VANGL1: variants seen among roughly 807,000 people sequenced by gnomAD.
VANGL1 encodes the protein VANGL planar cell polarity protein 1.
VANGL1 carries 18 observed loss-of-function variants against 48.4 expected under a neutral mutation model. The observed-to-expected ratio is 0.37, with a 90% CI of 0.26 to 0.55. VANGL1 has a LOEUF of 0.55. Ranked by LOEUF, VANGL1 falls within the 20% of genes least tolerant of loss-of-function variation. The pLI is 0.81. For synonymous variants in VANGL1, 257 were observed against 261.8 expected (o/e 0.98, Z 0.18); for missense variants, 667 against 675.8 (o/e 0.99, Z 0.14).
intron 4 of VANGL1, among the ~76,000 whole-genome samples, chr1:115,677,296 T>C (rs1653204478): frequency 2.0e-5 from 3 of 152,252 alleles, no homozygotes; most frequent in Non-Finnish European, 4.4e-5. Context: ...ATGGCAGTCA[T>C]GTAACAGTTG....
At chr1:115,643,520 A>G (rs972663163) in intron 1 of VANGL1, among the ~76,000 whole-genome samples, 7 of 152,214 alleles carry the variant, frequency 4.6e-5, no homozygotes, top group Non-Finnish European at 8.8e-5. Flanking sequence ...CCTATCCATG[A>G]GCATTAAACA....
intron 6 of VANGL1, 37 bp from the exon 7 acceptor site, chr1:115,685,256 C>T: frequency 6.2e-7 from 1 of 1,608,714 alleles, no homozygotes; most frequent in Non-Finnish European, 8.5e-7. Flanking sequence ...CTGTGGCAGG[C>T]ACCATCCTGA....
intron 2 of VANGL1, among the ~76,000 whole-genome samples, chr1:115,654,498 T>TAA (rs869142756): frequency 0.063 from 5,733 of 90,698 alleles, 213 homozygotes; most frequent in Middle Eastern, 0.12. Context: ...TTGGTAGGGC[T>TAA]AAAAAAAAAA....
rs1653956530 is a variant in VANGL1 at position 115,694,353 on chromosome 1, TAAG to T, written c.*2976_*2978del. 1 of 152,196 alleles carries T rather than the reference TAAG, an allele frequency of 6.6e-6. No homozygotes were observed. Among genetic ancestry groups the T allele is most frequent in the Non-Finnish European group, 1.5e-5 (1 of 68,048 alleles). 9.4% of individuals were successfully genotyped at this position (152,196 alleles called of 1,614,324 possible). The stretch of plus-strand genomic sequence containing the variant: ...AAGACAAGTTCTTTACAGCAAATGG[TAAG>T]AGGCAGGTGACCTGGTGTGTTTGCT... On this transcript the variant is annotated 3_prime_UTR_variant, in exon 8 of 8. Transcript: ENST00000355485.
At position 115,663,889 on chromosome 1, in the gene VANGL1, T is replaced by C; in HGVS notation, c.433T>C (p.Cys145Arg). 6.2e-7 allele frequency: 1 copy of C among 1,614,210 alleles called. No homozygotes were observed. The highest frequency in any genetic ancestry group is 8.5e-7 in the Non-Finnish European group (1 of 1,180,044). ...CCTGTGGAGGGATGAGCTGGAGCCT[T>C]GTGGCACAATTTGTGAGGGGCTCTT... is the stretch of plus-strand genomic sequence containing the variant. ...PILWRDELEP[C>R]GTICEGLFIS... The change falls in exon 4 of 8, where the codon TGT becomes CGT. Residue 145 changes from cysteine to arginine, a missense_variant. Coordinates refer to ENST00000355485, the MANE Select transcript of VANGL1 (RefSeq NM_138959.3).
Position 115,698,109 on chromosome 1 carries a change from G to A in VANGL1, c.*6730G>A, listed in dbSNP as rs531472535. On this transcript the variant is annotated 3_prime_UTR_variant, in exon 8 of 8. Transcript: ENST00000355485. ...GTGTACCTGTCACCCAAGTTATTTT[G>A]TTCCTTTTTGGGTCCTCCAGTATAA... The A allele has an allele frequency of 1.3e-5, 2 of 151,578 alleles. No homozygotes were observed. Among genetic ancestry groups the A allele is most frequent in the African/African-American group, 2.4e-5 (1 of 41,148 alleles). The allele number at this position is 151,578 out of a possible 1,614,324, so 9.4% of individuals were successfully genotyped here.
chr1:115,663,979 C>T lies in VANGL1; in HGVS notation c.523C>T (p.Arg175Trp), dbSNP rs142594314. The change falls in exon 4 of 8, where the codon CGG (arginine) becomes TGG (tryptophan). Residue 175 changes from arginine to tryptophan, a missense_variant. By Grantham distance (101) the Arg-to-Trp change is moderately radical (BLOSUM62 -3). Coordinates refer to ENST00000355485, the MANE Select transcript of VANGL1 (RefSeq NM_138959.3). ...GACCTGGGCACTTTTTTTCCGCAAG[C>T]GGAGAGCTGACATGCCACGGGTGTT... ...IGTWALFFRK[R>W]RADMPRVFVF... 1,024 of 1,614,184 alleles carry T rather than the reference C, an allele frequency of 6.3e-4. 3 individuals carry two copies. The highest frequency in any genetic ancestry group is 3.2e-3 in the African/African-American group (239 of 75,048).
At chr1:115,642,798 G>T (rs1185555978) in intron 1 of VANGL1, 1 of 152,258 alleles carries the variant, frequency 6.6e-6, no homozygotes, top group Non-Finnish European at 1.5e-5. Context: ...ATCTCACCGC[G>T]CCGGGGCAGC....
At chr1:115,667,712 C>T (rs182381139) in intron 4 of VANGL1, among the ~76,000 whole-genome samples, 59 of 152,204 alleles carry the variant, frequency 3.9e-4, no homozygotes, top group African/African-American at 1.4e-3. Context: ...CTTTTCTTGG[C>T]CCCGTTCTCA....
At chr1:115,649,310 A>G (rs1343031084) in intron 1 of VANGL1, among the ~76,000 whole-genome samples, 3 of 152,156 alleles carry the variant, frequency 2.0e-5, no homozygotes, top group African/African-American at 7.2e-5. Flanking sequence ...AACCCCCACC[A>G]TAATAGGCTG....
chr1:115,672,045 T>C (rs1441588891), intron 4 of VANGL1, among the ~76,000 whole-genome samples: 1 of 152,212 alleles, frequency 6.6e-6, no homozygotes, highest in Non-Finnish European at 1.5e-5. Context: ...CATGAGCTAT[T>C]AGCTACTTCT....
In VANGL1 at chr1:115,695,897, CT is replaced by C. The variant is rs1425829174; in HGVS notation, c.*4520del. The C allele has an allele frequency of 6.6e-6, 1 of 152,242 alleles. No individual in the cohort carries two copies. Among genetic ancestry groups the C allele is most frequent in the African/African-American group, 2.4e-5 (1 of 41,464 alleles). 9.4% of individuals were successfully genotyped at this position (152,242 alleles called of 1,614,324 possible). The stretch of plus-strand genomic sequence containing the variant: ...TTGAGGAAGGACCTAGAGACACATC[CT>C]TGAACTAGAACCTGGGGTGAGAGTT... On this transcript the variant is annotated 3_prime_UTR_variant, in exon 8 of 8. Transcript: ENST00000355485.
rs4631691 is a variant in VANGL1, at chr1:115,684,241, T to C, written c.1079+165T>C. Among the ~76,000 whole-genome samples the C allele has an allele frequency of 0.69, 104,887 of 151,802 alleles. 36,418 individuals are homozygous for C. The highest frequency in any genetic ancestry group is 0.75 in the South Asian group (3,618 of 4,812). ...GTCACCTCTGCCTCCCAGGTTCCAGTGATTCTCATGCCTCAGCCTCCCAAA... is the reference window on the plus strand; with the variant it reads ...GTCACCTCTGCCTCCCAGGTTCCAGCGATTCTCATGCCTCAGCCTCCCAAA... On this transcript the variant is annotated intron_variant, in intron 6 of 7. Coordinates refer to ENST00000355485, the MANE Select transcript of VANGL1 (RefSeq NM_138959.3).
Position 115,684,062 on chromosome 1 carries a change from G to A in VANGL1, c.1065G>A (p.Lys355=), listed in dbSNP as rs776038790. 1.7e-5 allele frequency: 28 copies of A among 1,613,700 alleles called. No homozygotes were observed. Among genetic ancestry groups the A allele is most frequent in the Admixed American group, 5.0e-5 (3 of 59,990 alleles). The change falls in exon 6 of 8, where the codon AAG becomes AAA. Residue 355 remains lysine, a synonymous_variant. Transcript: ENST00000355485. The part of the protein sequence containing the change: ...YEEAEHERRV[K]KRKARLVVAV... ...AGGCCGAACATGAACGGCGAGTAAA[G>A]AAGCGGAAAGCAAGGTATACTGCCC...
intron 4 of VANGL1, among the ~76,000 whole-genome samples, chr1:115,677,957 G>A (rs1439050002): frequency 2.6e-5 from 4 of 152,168 alleles, no homozygotes; most frequent in Admixed American, 2.6e-4. Flanking sequence ...CATCTCTGGG[G>A]CCCTTTTTGC....
At chr1:115,679,679 C>T (rs74117013) in intron 4 of VANGL1, among the ~76,000 whole-genome samples, 2,509 of 152,314 alleles carry the variant, frequency 0.016, 76 homozygotes, top group African/African-American at 0.058. Flanking sequence ...CTTGCAGCCT[C>T]GCTGAACAGA....
intron 3 of VANGL1, among the ~76,000 whole-genome samples, chr1:115,660,371 A>G (rs1652500349): frequency 6.6e-6 from 1 of 152,338 alleles, no homozygotes; most frequent in South Asian, 2.1e-4. Flanking sequence ...TGTAAAGGAA[A>G]CAGCAGCTCC....
At chr1:115,647,854 A>G (rs1651997881) in intron 1 of VANGL1, among the ~76,000 whole-genome samples, 1 of 152,234 alleles carries the variant, frequency 6.6e-6, no homozygotes, top group Non-Finnish European at 1.5e-5. Context: ...TGGTATTCCC[A>G]AGGGGAGCAA....
rs1654069678 is a variant in VANGL1 at position 115,697,375 on chromosome 1, T to C, written c.*5996T>C. 6.6e-6 allele frequency: 1 copy of C among 152,218 alleles called. No individual in the cohort carries two copies. 9.4% of individuals were successfully genotyped at this position (152,218 alleles called of 1,614,324 possible). On this transcript the variant is annotated 3_prime_UTR_variant, in exon 8 of 8. Coordinates refer to ENST00000355485, the MANE Select transcript of VANGL1 (RefSeq NM_138959.3). ...AGGGAACATACAAAAATCTAAACTA[T>C]GGCAATAATTTATTTTTATAATAGT...
Sources: allele counts gnomAD v4.1 joint callset (sites outside exome capture counted in the v4.1 genomes callset), GRCh38; gene constraint gnomAD v4.1.1; transcripts MANE v1.5; gene names NCBI Gene and HGNC (gene_info 2026-07-23, HGNC 2026-07-21).